PPP1R13B: variants seen among roughly 807,000 people sequenced by gnomAD.
PPP1R13B encodes the protein protein phosphatase 1 regulatory subunit 13B.
In PPP1R13B, 44 loss-of-function variants were observed where a neutral mutation model predicts 119.8. That is an observed-to-expected ratio of 0.37 (90% CI 0.29 to 0.47). The LOEUF is 0.47. PPP1R13B is among the 20% of genes least tolerant of loss of function. PPP1R13B has a pLI of 0.99. For missense variants in PPP1R13B, 1,227 were observed against 1,413.5 expected, an observed-to-expected ratio of 0.87 and a Z score of 2.12; for synonymous variants, 542 against 561.5, an observed-to-expected ratio of 0.97 and a Z score of 0.49.
chr14:103,806,065 T>C (rs1310182460), intron 1 of PPP1R13B, among the ~76,000 whole-genome samples: 2 of 152,188 alleles, frequency 1.3e-5, no homozygotes, highest in Non-Finnish European at 1.5e-5. Flanking sequence ...GTAGGATATA[T>C]AAAACTTCTA....
chr14:103,838,640 C>T (rs2086832353), intron 1 of PPP1R13B, among the ~76,000 whole-genome samples: 1 of 152,206 alleles, frequency 6.6e-6, no homozygotes, highest in African/African-American at 2.4e-5. Flanking sequence ...GGGTGAGCAC[C>T]TCTGATGGTG....
chr14:103,763,658 A>C (rs1201016541), intron 4 of PPP1R13B, among the ~76,000 whole-genome samples: 1 of 152,164 alleles, frequency 6.6e-6, no homozygotes, highest in Non-Finnish European at 1.5e-5. Flanking sequence ...CTGAGGCATA[A>C]TTTACATATC....
chr14:103,743,995 T>C (rs1267370351), intron 9 of PPP1R13B: 1 of 152,214 alleles, frequency 6.6e-6, no homozygotes, highest in Non-Finnish European at 1.5e-5. Context: ...TCAAGCCCCG[T>C]GGGTCCTGGC....
intron 2 of PPP1R13B, among the ~76,000 whole-genome samples, chr14:103,788,664 G>A (rs1003535298): frequency 1.1e-4 from 17 of 150,738 alleles, no homozygotes; most frequent in African/African-American, 3.4e-4. Flanking sequence ...ATGACAGAGC[G>A]AGACCCTGTC....
chr14:103,739,806 T>C lies in PPP1R13B; in HGVS notation c.2592+18A>G. On this transcript the variant is annotated intron_variant, in intron 12 of 16. Transcript: ENST00000202556. ...AATGACCAGGAAGGCCAGGCTTTGG[T>C]CTAGCAATGACACCCACCGTGGAGG... The C allele has an allele frequency of 6.3e-7, 1 of 1,583,556 alleles. No homozygotes were observed. Among genetic ancestry groups the C allele is most frequent in the East Asian group, 2.2e-5 (1 of 44,510 alleles).
chr14:103,786,621 C>T (rs562022789), intron 2 of PPP1R13B, among the ~76,000 whole-genome samples: 35 of 151,514 alleles, frequency 2.3e-4, no homozygotes, highest in Non-Finnish European at 4.1e-4. Context: ...AAAAATTAGC[C>T]GGGCATGGTG....
intron 1 of PPP1R13B, among the ~76,000 whole-genome samples, chr14:103,820,530 C>A: frequency 1.3e-5 from 2 of 151,778 alleles, no homozygotes. Flanking sequence ...ACTCTGTTAC[C>A]CAGGCTGGAG....
chr14:103,841,433 C>A (rs2086906179), intron 1 of PPP1R13B, among the ~76,000 whole-genome samples: 1 of 143,578 alleles, frequency 7.0e-6, no homozygotes, highest in Non-Finnish European at 1.5e-5. Context: ...ACTAAAAATA[C>A]AAAAAAATTA....
At chr14:103,745,736 C>G (rs949896196) in intron 9 of PPP1R13B, among the ~76,000 whole-genome samples, 4 of 152,212 alleles carry the variant, frequency 2.6e-5, no homozygotes, top group Non-Finnish European at 5.9e-5. Context: ...GCATCCATGC[C>G]GGGCCTCAGT....
chr14:103,741,326 G>A (rs1044782526), intron 11 of PPP1R13B, among the ~76,000 whole-genome samples: 1 of 152,170 alleles, frequency 6.6e-6, no homozygotes, highest in African/African-American at 2.4e-5. Flanking sequence ...CCAAACCAAG[G>A]CTTTCCTCCC....
At chr14:103,754,802 C>T (rs1001689978) in intron 5 of PPP1R13B, among the ~76,000 whole-genome samples, 7 of 149,852 alleles carry the variant, frequency 4.7e-5, no homozygotes, top group Non-Finnish European at 8.9e-5. Context: ...TCTTTTGAGA[C>T]GGAGTCTCGC....
intron 5 of PPP1R13B, 73 bp from the exon 6 acceptor site, chr14:103,754,317 C>A: frequency 1.4e-6 from 2 of 1,451,828 alleles, no homozygotes; most frequent in South Asian, 1.3e-5. Flanking sequence ...GTAATTCCAG[C>A]ACTTTGAGAG....
chr14:103,799,431 G>C (rs2085843447), intron 1 of PPP1R13B, among the ~76,000 whole-genome samples: 1 of 151,984 alleles, frequency 6.6e-6, no homozygotes, highest in Admixed American at 6.6e-5. Context: ...GCCCGCCTTG[G>C]CCTCCCAAAA....
At position 103,836,776 on chromosome 14, in the gene PPP1R13B, GA is replaced by G. The variant is rs11394353; in HGVS notation, c.9+10522del. ...CAGAGCAAGAGTCTGTCTCAGAAAAGAAAAAAAAAAAAAAAAAATTGTCCAA... is the reference window on the plus strand; with the variant it reads ...CAGAGCAAGAGTCTGTCTCAGAAAAGAAAAAAAAAAAAAAAAATTGTCCAA... On this transcript the variant is annotated intron_variant, in intron 1 of 16. Coordinates refer to ENST00000202556, the MANE Select transcript of PPP1R13B (RefSeq NM_015316.3). Among the ~76,000 whole-genome samples, 955 of 114,834 alleles carry G rather than the reference GA, an allele frequency of 8.3e-3. 12 individuals carry two copies. The highest frequency in any genetic ancestry group is 0.027 in the South Asian group (93 of 3,448). The allele number at this position is 114,834 out of a possible 152,430, so 75.3% of individuals were successfully genotyped here.
intron 2 of PPP1R13B, among the ~76,000 whole-genome samples, chr14:103,795,340 T>C (rs1288489135): frequency 6.6e-6 from 1 of 152,178 alleles, no homozygotes; most frequent in Admixed American, 6.6e-5. Flanking sequence ...AAATAGATGT[T>C]AGCCAAGCTC....
intron 1 of PPP1R13B, among the ~76,000 whole-genome samples, chr14:103,821,711 A>T (rs2086413795): frequency 2.0e-5 from 3 of 152,134 alleles, no homozygotes; most frequent in African/African-American, 7.2e-5. Context: ...AGATTGCGCC[A>T]TTGCACTCCA....
rs908930096 is a variant in PPP1R13B, at chr14:103,734,196, C to G, written c.*958G>C. On this transcript the variant is annotated 3_prime_UTR_variant, in exon 17 of 17. Transcript: ENST00000202556. Reference sequence around the variant, plus strand: ...CGGCAGAGAGGGGTGGCCCCTGACCCCAGCTCCTCTGCCCCAGCTGCTGCT... The same window carrying G: ...CGGCAGAGAGGGGTGGCCCCTGACCGCAGCTCCTCTGCCCCAGCTGCTGCT... 1 of 267,070 alleles carries G rather than the reference C, an allele frequency of 3.7e-6. No individual in the cohort carries two copies. Among genetic ancestry groups the G allele is most frequent in the Non-Finnish European group, 7.6e-6 (1 of 131,774 alleles). 16.5% of individuals were successfully genotyped at this position (267,070 alleles called of 1,614,324 possible).
Position 103,819,506 on chromosome 14 carries a change from AAC to A in PPP1R13B, c.10-21990_10-21989del, listed in dbSNP as rs1567148610. 3.2e-4 allele frequency among the ~76,000 whole-genome samples: 48 copies of A among 149,178 alleles called. 1 individual carries two copies. Among genetic ancestry groups the A allele is most frequent in the African/African-American group, 9.4e-4 (38 of 40,258 alleles). On this transcript the variant is annotated intron_variant, in intron 1 of 16. Transcript: ENST00000202556. ...AATGAGAAATCTGTCTATTAAAAAAAACAAACAAACAAAAAAAAACAACAACA... is the reference window on the plus strand; with the variant it reads ...AATGAGAAATCTGTCTATTAAAAAAAAAACAAACAAAAAAAAACAACAACA...
At chr14:103,848,077 G>A (rs1334966760), upstream of PPP1R13B, among the ~76,000 whole-genome samples, 3 of 151,978 alleles carry the variant, frequency 2.0e-5, no homozygotes, top group African/African-American at 7.2e-5. Context: ...GGCCCCCGGA[G>A]CGAGCATGTG....
Sources: gnomAD v4.1 joint callset for allele counts (sites outside exome capture counted in the v4.1 genomes callset) on GRCh38, gnomAD v4.1.1 for gene constraint, MANE v1.5 for transcripts, NCBI Gene and HGNC (gene_info 2026-07-23, HGNC 2026-07-21) for gene names.